ERG: variants seen among roughly 807,000 people sequenced by gnomAD.
ERG encodes the protein ETS transcription factor ERG.
A neutral mutation model predicts 55.3 loss-of-function variants in ERG; 9 were observed. That is an observed-to-expected ratio of 0.16 (90% CI 0.10 to 0.28). The LOEUF (loss-of-function observed/expected upper bound fraction) is 0.28. Ranked by LOEUF, ERG falls within the 10% of genes least tolerant of loss-of-function variation. The pLI, the probability that ERG is intolerant of heterozygous loss-of-function variation, is 1.00. For missense variants in ERG, 434 were observed against 631.6 expected (o/e 0.69, Z 3.35); for synonymous variants, 223 against 237.3 (o/e 0.94, Z 0.55).
intron 1 of ERG, among the ~76,000 whole-genome samples, chr21:38,620,263 G>C (rs1192315144): frequency 1.3e-5 from 2 of 152,268 alleles, no homozygotes; most frequent in African/African-American, 4.8e-5. Context: ...CGTTTGTGGG[G>C]ATGAAGAGGT....
chr21:38,405,194 T>G (rs1397906069), intron 3 of ERG, among the ~76,000 whole-genome samples: 1 of 152,216 alleles, frequency 6.6e-6, no homozygotes, highest in Admixed American at 6.5e-5. Context: ...TTTTAATATT[T>G]TTACCATTTA....
rs1988020272 is a variant in ERG at position 38,392,464 on chromosome 21, G to A, written c.746-20C>T. 9 of 1,431,690 alleles carry A rather than the reference G, an allele frequency of 6.3e-6. No individual in the cohort carries two copies. Among genetic ancestry groups the A allele is most frequent in the African/African-American group, 2.9e-5 (2 of 68,374 alleles). The allele number at this position is 1,431,690 out of a possible 1,614,324, so 88.7% of individuals were successfully genotyped here. ...GTAAATCTGTAAAGACAAATAAATT[G>A]ACTAAAAGATCAATCATGTAATTTT... On this transcript the variant is annotated intron_variant, in intron 6 of 9. Coordinates refer to ENST00000288319, the MANE Select transcript of ERG (RefSeq NM_182918.4).
At chr21:38,459,711 C>CTTCCAGGAATAAGA (rs2059023393) in intron 1 of ERG, among the ~76,000 whole-genome samples, 1 of 152,158 alleles carries the variant, frequency 6.6e-6, no homozygotes, top group Non-Finnish European at 1.5e-5. Flanking sequence ...TCACACATAT[C>CTTCCAGGAATAAGA]TTCCAGGAAT....
chr21:38,570,118 T>C (rs1204081007), intron 2 of ERG, among the ~76,000 whole-genome samples: 1 of 152,178 alleles, frequency 6.6e-6, no homozygotes, highest in East Asian at 1.9e-4. Context: ...CTTTACTAGG[T>C]AACACCAAGC....
At chr21:38,376,175 T>A (rs1987236698), downstream of ERG, among the ~76,000 whole-genome samples, 1 of 152,212 alleles carries the variant, frequency 6.6e-6, no homozygotes, top group African/African-American at 2.4e-5. Flanking sequence ...AGTTCCACTT[T>A]AAAATGCCCT....
chr21:38,652,459 A>G (rs971428014), intron 1 of ERG, among the ~76,000 whole-genome samples: 2 of 152,260 alleles, frequency 1.3e-5, no homozygotes, highest in Non-Finnish European at 2.9e-5. Flanking sequence ...AAGGTTGTTT[A>G]AAATTCAGAA....
At chr21:38,458,702 G>T (rs1232479680) in intron 1 of ERG, among the ~76,000 whole-genome samples, 1 of 152,196 alleles carries the variant, frequency 6.6e-6, no homozygotes. Context: ...AGAGTCGTGT[G>T]TTGGTCTGGG....
At chr21:38,462,888 G>A (rs758958260) in intron 1 of ERG, among the ~76,000 whole-genome samples, 146 of 152,288 alleles carry the variant, frequency 9.6e-4, no homozygotes, top group Non-Finnish European at 1.7e-3. Context: ...AAATCAAGGG[G>A]CAGGCCTGTA....
intron 1 of ERG, among the ~76,000 whole-genome samples, chr21:38,470,199 A>G (rs1003440709): frequency 6.6e-6 from 1 of 152,134 alleles, no homozygotes; most frequent in Non-Finnish European, 1.5e-5. Context: ...TCCCAATTGT[A>G]TTAAGCAAAA....
At chr21:38,469,672 C>CA (rs2059123167) in intron 1 of ERG, among the ~76,000 whole-genome samples, 1 of 151,946 alleles carries the variant, frequency 6.6e-6, no homozygotes, top group African/African-American at 2.4e-5. Flanking sequence ...AGTAAAAAAA[C>CA]AAAAAACCCA....
Position 38,596,367 on chromosome 21 carries a change from T to C in ERG, c.-149-11422A>G, listed in dbSNP as rs539947494. Among the ~76,000 whole-genome samples the C allele has an allele frequency of 2.0e-5, 3 of 152,332 alleles. No homozygotes were observed. In the East Asian group the frequency reaches 5.8e-4, roughly 29 times the overall value. On this transcript the variant is annotated intron_variant, in intron 1 of 10. Coordinates refer to the ERG transcript ENST00000398910. ...TCGGAATTCAAAACCAGCCTCTGTG[T>C]ATTCCTGAGGACCATACTGTCTGCT...
At chr21:38,400,202 T>C (rs1988419231) in intron 6 of ERG, 2 of 433,284 alleles carry the variant, frequency 4.6e-6, no homozygotes, top group Non-Finnish European at 8.8e-6. Flanking sequence ...GACATACTGA[T>C]AATCGGTCAC....
chr21:38,504,341 G>A (rs898929965), intron 2 of ERG, among the ~76,000 whole-genome samples: 4 of 152,060 alleles, frequency 2.6e-5, no homozygotes, highest in African/African-American at 9.7e-5. Context: ...TCAAGTTTAG[G>A]CCAATTTTGC....
intron 2 of ERG, among the ~76,000 whole-genome samples, chr21:38,443,019 G>A (rs1309157132): frequency 6.6e-6 from 1 of 152,158 alleles, no homozygotes; most frequent in Non-Finnish European, 1.5e-5. Context: ...ATGTTAGCCA[G>A]GATGGTCTCG....
intron 2 of ERG, among the ~76,000 whole-genome samples, chr21:38,512,121 G>A (rs1294954831): frequency 6.6e-6 from 1 of 152,202 alleles, no homozygotes; most frequent in Non-Finnish European, 1.5e-5. Context: ...ACAAGAGTGT[G>A]TCCTGCCCAT....
intron 1 of ERG, among the ~76,000 whole-genome samples, chr21:38,622,838 T>C (rs879500492): frequency 7.2e-6 from 1 of 139,556 alleles, no homozygotes; most frequent in Non-Finnish European, 1.5e-5. Flanking sequence ...ACACACCATG[T>C]GCTCATACAT....
At chr21:38,477,075 C>T (rs1036123609) in intron 1 of ERG, among the ~76,000 whole-genome samples, 4 of 123,562 alleles carry the variant, frequency 3.2e-5, no homozygotes, top group African/African-American at 6.1e-5. Flanking sequence ...TGCACTGGTG[C>T]GCTCATGGCT....
intron 2 of ERG, among the ~76,000 whole-genome samples, chr21:38,439,576 A>G (rs1216155401): frequency 6.6e-6 from 1 of 152,166 alleles, no homozygotes; most frequent in African/African-American, 2.4e-5. Flanking sequence ...GTGGCTGTGG[A>G]CCACCGAAGC....
At chr21:38,608,434 T>C (rs1184683438) in intron 1 of ERG, among the ~76,000 whole-genome samples, 1 of 152,190 alleles carries the variant, frequency 6.6e-6, no homozygotes, top group South Asian at 2.1e-4. Context: ...CCAGAAGCTG[T>C]GGGCACCAAA....
Sources: gnomAD v4.1 joint callset for allele counts (sites outside exome capture counted in the v4.1 genomes callset) on GRCh38, gnomAD v4.1.1 for gene constraint, MANE v1.5 for transcripts, NCBI Gene and HGNC (gene_info 2026-07-23, HGNC 2026-07-21) for gene names.